Variants in CYP4Z1 observed in about 807,000 individuals in gnomAD.
CYP4Z1 encodes cytochrome P450 family 4 subfamily Z member 1, also known as cytochrome P450 4Z1.
Under a neutral mutation model 54.2 loss-of-function variants are expected in CYP4Z1, and 41 were observed. The observed-to-expected ratio is 0.76, with a 90% CI of 0.59 to 0.98. The LOEUF (loss-of-function observed/expected upper bound fraction) is 0.98. Ranked by LOEUF, CYP4Z1 falls within the 50% of genes least tolerant of loss-of-function variation. The probability of loss-of-function intolerance (pLI) is 0.00; values close to 1 mark genes in which losing one functional copy is unlikely to be tolerated. For missense variants in CYP4Z1, 513 were observed against 599.0 expected, an observed-to-expected ratio of 0.86 and a Z score of 1.50; for synonymous variants, 163 against 206.2, an observed-to-expected ratio of 0.79 and a Z score of 1.79.
intron 1 of CYP4Z1, among the ~76,000 whole-genome samples, chr1:47,068,013 A>G (rs1644462994): frequency 6.6e-6 from 1 of 152,226 alleles, no homozygotes. Flanking sequence ...CCAATTGTTA[A>G]CAGGAACTAT....
intron 8 of CYP4Z1, among the ~76,000 whole-genome samples, chr1:47,102,239 C>T (rs1229982696): frequency 6.6e-6 from 1 of 152,118 alleles, no homozygotes; most frequent in Admixed American, 6.5e-5. Context: ...AATTTTAATT[C>T]CATTACATTC....
chr1:47,100,786 T>C (rs551215634), intron 8 of CYP4Z1, among the ~76,000 whole-genome samples: 1 of 152,260 alleles, frequency 6.6e-6, no homozygotes, highest in Non-Finnish European at 1.5e-5. Flanking sequence ...TTCAGTACTA[T>C]CCATGGTTTC....
At chr1:47,097,431 G>A (rs978880279) in intron 7 of CYP4Z1, among the ~76,000 whole-genome samples, 2 of 152,092 alleles carry the variant, frequency 1.3e-5, no homozygotes, top group Non-Finnish European at 2.9e-5. Flanking sequence ...TTTTTGTCTG[G>A]GGTTTTTATA....
intron 6 of CYP4Z1, among the ~76,000 whole-genome samples, chr1:47,093,988 T>G (rs1644658280): frequency 6.6e-6 from 1 of 152,172 alleles, no homozygotes; most frequent in African/African-American, 2.4e-5. Context: ...ATTTTCCTAT[T>G]TGGATGCTTT....
chr1:47,074,187 A>T (rs1644502504), intron 2 of CYP4Z1, among the ~76,000 whole-genome samples: 1 of 151,718 alleles, frequency 6.6e-6, no homozygotes, highest in South Asian at 2.1e-4. Context: ...GTACATGTGC[A>T]GGCTTCTTAC....
Position 47,076,802 on chromosome 1 carries a change from G to A in CYP4Z1, c.320-3821G>A, listed in dbSNP as rs1267710947. ...GGACCTTGCAGTGAGCCGAGATCGC[G>A]CCCCTGCACTCCAGCCTGGGCGACA... On this transcript the variant is annotated intron_variant, in intron 2 of 11. Coordinates refer to ENST00000334194, the MANE Select transcript of CYP4Z1 (RefSeq NM_178134.3). Among the ~76,000 whole-genome samples the A allele has an allele frequency of 3.7e-5, 5 of 133,594 alleles. 1 individual carries two copies. Among genetic ancestry groups the A allele is most frequent in the African/African-American group, 8.6e-5 (3 of 34,772 alleles). 87.6% of individuals were successfully genotyped at this position (133,594 alleles called of 152,430 possible).
upstream of CYP4Z1, among the ~76,000 whole-genome samples, chr1:47,063,058 T>C (rs189757253): frequency 1.3e-5 from 2 of 152,246 alleles, no homozygotes; most frequent in East Asian, 1.9e-4. Context: ...GATCACATCA[T>C]AGGACTCTTT....
chr1:47,067,720 A>T lies in CYP4Z1; in HGVS notation c.177+53A>T, dbSNP rs1446278705. On this transcript the variant is annotated intron_variant, in intron 1 of 11. Transcript: ENST00000334194. ...TTAAGGGACAGAAAGATGAGGTATTAAAAAAAAACAGCACAGACTGGTGGG... is the reference window on the plus strand; with the variant it reads ...TTAAGGGACAGAAAGATGAGGTATTTAAAAAAAACAGCACAGACTGGTGGG... 2.8e-6 allele frequency: 4 copies of T among 1,443,888 alleles called. No individual in the cohort carries two copies. In the Admixed American group the frequency reaches 6.4e-5, roughly 23 times the overall value. 89.4% of individuals were successfully genotyped at this position (1,443,888 alleles called of 1,614,324 possible). A position where few individuals can be genotyped will look rare whatever the true frequency, so the allele number is the denominator to read the frequency against.
upstream of CYP4Z1, among the ~76,000 whole-genome samples, chr1:47,062,726 C>A (rs1303382184): frequency 1.3e-5 from 2 of 152,154 alleles, no homozygotes; most frequent in Non-Finnish European, 2.9e-5. Context: ...ACATGCCTAC[C>A]CTGACCCCAC....
chr1:47,096,056 G>C (rs1351589343), intron 7 of CYP4Z1, among the ~76,000 whole-genome samples: 1 of 152,080 alleles, frequency 6.6e-6, no homozygotes, highest in Non-Finnish European at 1.5e-5. Flanking sequence ...CTAAGAACAG[G>C]GCACTGCAAA....
chr1:47,097,008 C>G (rs745402979), intron 7 of CYP4Z1: 1 of 151,974 alleles, frequency 6.6e-6, no homozygotes, highest in Non-Finnish European at 1.5e-5. Context: ...TCCCGCACCA[C>G]GTGTCCATGT....
rs948474950 is a variant in CYP4Z1 at position 47,118,170 on chromosome 1, T to C, written c.*236T>C. On this transcript the variant is annotated 3_prime_UTR_variant, in exon 12 of 12. Coordinates refer to ENST00000334194, the MANE Select transcript of CYP4Z1 (RefSeq NM_178134.3). ...GCTGACTTCCACTGCGAAGGGAAAT[T>C]ATTGGTTTGTGTAACTAGTGGTAGA... 2.5e-6 allele frequency: 1 copy of C among 406,118 alleles called. No individual in the cohort carries two copies. The highest frequency in any genetic ancestry group is 2.0e-5 in the African/African-American group (1 of 49,954). 25.2% of individuals were successfully genotyped at this position (406,118 alleles called of 1,614,324 possible).
intron 2 of CYP4Z1, among the ~76,000 whole-genome samples, chr1:47,078,724 C>T (rs1242054213): frequency 4.7e-5 from 6 of 127,250 alleles, no homozygotes; most frequent in Non-Finnish European, 8.3e-5. Flanking sequence ...CTGGTTGGTT[C>T]TGGGTTGGGG....
intron 3 of CYP4Z1, 54 bp from the exon 4 acceptor site, chr1:47,082,280 T>G (rs1644560335): frequency 1.9e-6 from 3 of 1,553,262 alleles, no homozygotes; most frequent in Non-Finnish European, 2.6e-6. Context: ...GTGCCTAGTC[T>G]TTCTTCACTT....
At chr1:47,056,437 C>G in the CYP4Z1 span, among the ~76,000 whole-genome samples, 1 of 151,822 alleles carries the variant, frequency 6.6e-6, no homozygotes, top group Non-Finnish European at 1.5e-5. Flanking sequence ...CTATTAGGTC[C>G]GCTTGGTGCA....
intron 6 of CYP4Z1, among the ~76,000 whole-genome samples, chr1:47,092,856 G>A (rs917994263): frequency 2.7e-5 from 4 of 146,156 alleles, no homozygotes; most frequent in African/African-American, 5.1e-5. Context: ...ACCTATCAGG[G>A]TCATTAGAAA....
At chr1:47,108,678 G>A (rs1184881836) in intron 9 of CYP4Z1, among the ~76,000 whole-genome samples, 1 of 152,156 alleles carries the variant, frequency 6.6e-6, no homozygotes, top group African/African-American at 2.4e-5. Context: ...CCCAACAAGT[G>A]CATATTAAAC....
At chr1:47,056,177 A>G in the CYP4Z1 span, among the ~76,000 whole-genome samples, 1 of 151,924 alleles carries the variant, frequency 6.6e-6, no homozygotes, top group Non-Finnish European at 1.5e-5. Flanking sequence ...TTCTTTATGT[A>G]CCCAGTAGTC....
At position 47,067,586 on chromosome 1, in the gene CYP4Z1, G is replaced by A. The variant is rs1199674487; in HGVS notation, c.96G>A (p.Leu32=). ...TGCTGCTGTTTCAGGTAATCAGGTT[G>A]TACCAGAGGAGGAGATGGATGATCA... The part of the protein sequence containing the change: ...MSLLLFQVIR[L]YQRRRWMIRA... Residue 32 remains leucine (L), a synonymous_variant, in exon 1 of 12, where the codon TTG becomes TTA. Coordinates refer to ENST00000334194, the MANE Select transcript of CYP4Z1 (RefSeq NM_178134.3). 1 of 1,613,538 alleles carries A rather than the reference G, an allele frequency of 6.2e-7. No individual in the cohort carries two copies. Among genetic ancestry groups the A allele is most frequent in the African/African-American group, 1.3e-5 (1 of 74,870 alleles).
Sources: allele counts gnomAD v4.1 joint callset (sites outside exome capture counted in the v4.1 genomes callset), GRCh38; gene constraint gnomAD v4.1.1; transcripts MANE v1.5; gene names NCBI Gene and HGNC (gene_info 2026-07-23, HGNC 2026-07-21).